SCN3A: variants seen among roughly 807,000 people sequenced by gnomAD.
SCN3A encodes sodium channel protein type 3 subunit alpha.
A neutral mutation model predicts 187.6 loss-of-function variants in SCN3A; 60 were observed. The observed-to-expected ratio is 0.32, with a 90% CI of 0.26 to 0.40. The LOEUF (loss-of-function observed/expected upper bound fraction) is 0.40, where lower values mean the gene tolerates loss of function less well. Ranked by LOEUF, SCN3A falls within the 10% of genes least tolerant of loss-of-function variation. The pLI is 1.00. For missense variants in SCN3A, 1,601 were observed against 2,428.2 expected (o/e 0.66, Z 7.16); for synonymous variants, 788 against 829.2 (o/e 0.95, Z 0.85).
chr2:165,126,332 A>C (rs946514816), intron 18 of SCN3A, among the ~76,000 whole-genome samples: 1 of 152,206 alleles, frequency 6.6e-6, no homozygotes, highest in Non-Finnish European at 1.5e-5. Context: ...ACTATGATAG[A>C]AACTTAAGAA....
Position 165,139,484 on chromosome 2 carries a change from G to T in SCN3A, c.2144C>A (p.Thr715Lys). Residue 715 changes from threonine (T) to lysine (K), a missense_variant, in exon 14 of 28, where the codon ACA (threonine) becomes AAA (lysine). Transcript: ENST00000283254. ...CATGACCTGCTTCTTACCTTCCATT[G>T]TGTTGGTCAGAATGCTGGCTATGCT... ...AVSIASILTN[T>K]MEELEESRQK... is the part of the protein sequence containing the mutation. The T allele has an allele frequency of 6.2e-7, 1 of 1,613,850 alleles. No individual in the cohort carries two copies. Among genetic ancestry groups the T allele is most frequent in the Non-Finnish European group, 8.5e-7 (1 of 1,179,838 alleles).
At chr2:165,141,107 C>G in intron 12 of SCN3A, 109 bp from the exon 13 acceptor site, 1 of 705,004 alleles carries the variant, frequency 1.4e-6, no homozygotes. Context: ...TTAGTATACT[C>G]TTGCTCTTAA....
At chr2:165,119,821 C>T (rs1035085119) in intron 18 of SCN3A, 4 of 152,106 alleles carry the variant, frequency 2.6e-5, no homozygotes, top group Non-Finnish European at 5.9e-5. Flanking sequence ...TTAAATTTAC[C>T]ATATTAAGAA....
rs537439095 is a variant in SCN3A, at chr2:165,132,919, T to C, written c.2392-1502A>G. The stretch of plus-strand genomic sequence containing the variant: ...CTAATATCCAGAATCTACAATGAAC[T>C]CAAACAAATTTACAAGAAAAAAACA... On this transcript the variant is annotated intron_variant, in intron 15 of 27. Coordinates refer to ENST00000283254, the MANE Select transcript of SCN3A (RefSeq NM_006922.4). Among the ~76,000 whole-genome samples the C allele has an allele frequency of 5.9e-3, 896 of 152,032 alleles. 7 individuals are homozygous for C. Among genetic ancestry groups the C allele is most frequent in the African/African-American group, 0.021 (854 of 41,460 alleles).
intron 1 of SCN3A, among the ~76,000 whole-genome samples, chr2:165,195,805 T>A (rs1230664604): frequency 6.6e-6 from 1 of 152,132 alleles, no homozygotes; most frequent in African/African-American, 2.4e-5. Flanking sequence ...GGGAGCTGAC[T>A]ATTGTTTTCA....
At chr2:165,099,329 T>C (rs952646170) in intron 22 of SCN3A, among the ~76,000 whole-genome samples, 1 of 152,140 alleles carries the variant, frequency 6.6e-6, no homozygotes, top group Non-Finnish European at 1.5e-5. Context: ...AGATGCATAA[T>C]ATACATATTA....
intron 1 of SCN3A, among the ~76,000 whole-genome samples, chr2:165,193,043 T>A (rs1691711249): frequency 6.8e-6 from 1 of 147,132 alleles, no homozygotes; most frequent in Non-Finnish European, 1.5e-5. Context: ...ATCAATCTTA[T>A]TGTTTTCTTT....
At chr2:165,133,685 A>C (rs1178974740) in intron 15 of SCN3A, among the ~76,000 whole-genome samples, 4 of 149,352 alleles carry the variant, frequency 2.7e-5, no homozygotes, top group Admixed American at 2.0e-4. Flanking sequence ...AGAGTATTTT[A>C]TTAAGTAGAG....
At chr2:165,103,157 CTATTA>C (rs1342856048) in intron 21 of SCN3A, among the ~76,000 whole-genome samples, 1 of 152,130 alleles carries the variant, frequency 6.6e-6, no homozygotes, top group Non-Finnish European at 1.5e-5. Flanking sequence ...TTTCAAATCT[CTATTA>C]TAAGTGGAGA....
At chr2:165,182,695 A>G (rs748031859) in intron 2 of SCN3A, among the ~76,000 whole-genome samples, 1 of 152,206 alleles carries the variant, frequency 6.6e-6, no homozygotes, top group Non-Finnish European at 1.5e-5. Flanking sequence ...TTTGTAAGGC[A>G]TGATAATAAA....
At chr2:165,113,638 T>C (rs2105709721) in intron 20 of SCN3A, among the ~76,000 whole-genome samples, 178 bp downstream of exon 20, 2 of 152,276 alleles carry the variant, frequency 1.3e-5, no homozygotes, top group South Asian at 4.1e-4. Context: ...TCTGGCTGTT[T>C]CATGGTGCTG....
intron 15 of SCN3A, among the ~76,000 whole-genome samples, chr2:165,135,716 C>A (rs957546849): frequency 6.6e-6 from 1 of 152,048 alleles, no homozygotes; most frequent in African/African-American, 2.4e-5. Context: ...ATTCTATGAA[C>A]AAATGCTTTG....
rs776949572 is a variant in SCN3A, at chr2:165,122,230, C to CTTTTT, written c.3393+5396_3393+5400dup. 9.0e-4 allele frequency among the ~76,000 whole-genome samples: 102 copies of CTTTTT among 113,878 alleles called. 2 individuals are homozygous for CTTTTT. The highest frequency in any genetic ancestry group is 1.2e-3 in the East Asian group (4 of 3,372). The allele number at this position is 113,878 out of a possible 152,430, so 74.7% of individuals were successfully genotyped here. On this transcript the variant is annotated intron_variant, in intron 18 of 27. Transcript: ENST00000283254. ...TTTTTTTTTTCTTTTTTCTTTCTTT[C>CTTTTT]TTTTTTTTCTTTTTTTTTTTTTTTA... is the stretch of plus-strand genomic sequence containing the variant.
Position 165,092,403 on chromosome 2 carries a change from T to A in SCN3A, c.4658A>T (p.Tyr1553Phe). The part of the protein sequence containing the change: ...MMVETDDQGK[Y>F]MTLVLSRINL... ...GATCCGGGACAAAACTAGGGTCATGTATTTGCCCTGGTCATCCGTTTCCAC... is the reference window on the plus strand; with the variant it reads ...GATCCGGGACAAAACTAGGGTCATGAATTTGCCCTGGTCATCCGTTTCCAC... Residue 1553 changes from tyrosine (Y) to phenylalanine (F), a missense_variant, in exon 27 of 28, where the codon TAC becomes TTC. Physicochemically the swap from Tyr to Phe is conservative, Grantham distance 22 (BLOSUM62 3). This residue lies in a region of SCN3A where 320 missense variants were observed against 623.2 expected (regional missense o/e 0.51). Transcript: ENST00000283254. This position sits in a 1 kb window ranked among gnomAD's most constrained non-coding sequence, Gnocchi z 4.2. 1 of 1,614,002 alleles carries A rather than the reference T, an allele frequency of 6.2e-7. No homozygotes were observed. The highest frequency in any genetic ancestry group is 1.1e-5 in the South Asian group (1 of 91,082).
Position 165,126,658 on chromosome 2 carries a change from C to T in SCN3A, c.3393+973G>A, listed in dbSNP as rs994968118. On this transcript the variant is annotated intron_variant, in intron 18 of 27. Transcript: ENST00000283254. Reference sequence around the variant, plus strand: ...TCCCTCTTCTCCTTTCCCTCCCTTCCTCCCTCCCTCCCTTCCTTCCTTCTT... The same window carrying T: ...TCCCTCTTCTCCTTTCCCTCCCTTCTTCCCTCCCTCCCTTCCTTCCTTCTT... 4.2e-5 allele frequency among the ~76,000 whole-genome samples: 6 copies of T among 143,530 alleles called. No individual in the cohort carries two copies. The East Asian group carries it at 9.0e-4, about 22-fold the overall frequency. The allele number at this position is 143,530 out of a possible 152,430, so 94.2% of individuals were successfully genotyped here. A position where few individuals can be genotyped will look rare whatever the true frequency, so the allele number is the denominator to read the frequency against.
At chr2:165,176,697 A>T (rs1272234711) in intron 2 of SCN3A, among the ~76,000 whole-genome samples, 1 of 152,148 alleles carries the variant, frequency 6.6e-6, no homozygotes, top group African/African-American at 2.4e-5. Flanking sequence ...AATGTACAGT[A>T]TATATAATAT....
chr2:165,147,283 T>TG lies in SCN3A; in HGVS notation c.1381-255dup, dbSNP rs138549123. ...CCTATCTTCTGGATTGTCTTTTTTT[T>TG]GGGGGGGGGGGGTTGGTGACAACTG... On this transcript the variant is annotated intron_variant, in intron 11 of 27. Coordinates refer to ENST00000283254, the MANE Select transcript of SCN3A (RefSeq NM_006922.4). Among the ~76,000 whole-genome samples, 1,269 of 130,024 alleles carry TG rather than the reference T, an allele frequency of 9.8e-3. 3 individuals carry two copies. Among genetic ancestry groups the TG allele is most frequent in the African/African-American group, 0.012 (423 of 34,006 alleles). 85.3% of individuals were successfully genotyped at this position (130,024 alleles called of 152,430 possible). A position where few individuals can be genotyped will look rare whatever the true frequency, so the allele number is the denominator to read the frequency against.
chr2:165,093,056 A>T (rs1685191690), intron 26 of SCN3A: 2 of 152,712 alleles, frequency 1.3e-5, no homozygotes, highest in African/African-American at 2.4e-5. Flanking sequence ...CTCTTAAAAA[A>T]CAAAACAAAA....
intron 21 of SCN3A, among the ~76,000 whole-genome samples, chr2:165,108,760 G>A (rs1400555401): frequency 2.0e-5 from 3 of 152,090 alleles, no homozygotes; most frequent in Non-Finnish European, 4.4e-5. Context: ...GTAGTTATAG[G>A]ATGGTATAGT....
Sources: allele counts gnomAD v4.1 joint callset (sites outside exome capture counted in the v4.1 genomes callset), GRCh38; gene constraint gnomAD v4.1.1; regional missense constraint gnomAD v4.1.1; non-coding constraint Gnocchi (gnomAD v3.1); transcripts MANE v1.5; gene names NCBI Gene and HGNC (gene_info 2026-07-23, HGNC 2026-07-21).